Variants in THSD7A observed in about 807,000 individuals in gnomAD.
The protein encoded by THSD7A is thrombospondin type 1 domain containing 7A.
In THSD7A, 96 loss-of-function variants were observed where a neutral mutation model predicts 231.3. That is an observed-to-expected ratio of 0.41 (90% CI 0.35 to 0.49). The LOEUF (loss-of-function observed/expected upper bound fraction) is 0.49. Ranked by LOEUF, THSD7A falls within the 20% of genes least tolerant of loss-of-function variation. The probability of loss-of-function intolerance (pLI) is 0.05; values close to 1 mark genes in which losing one functional copy is unlikely to be tolerated. For missense variants in THSD7A, 2,290 were observed against 2,070.2 expected (o/e 1.11, Z -2.06); for synonymous variants, 940 against 743.3 (o/e 1.26, Z -4.30).
At position 11,616,768 on chromosome 7, in the gene THSD7A, T is replaced by A. The variant is rs79181756; in HGVS notation, c.1022+19362A>T. 3.0e-3 allele frequency among the ~76,000 whole-genome samples: 458 copies of A among 152,244 alleles called. 3 individuals are homozygous for A. Among genetic ancestry groups the A allele is most frequent in the Middle Eastern group, 0.017 (5 of 294 alleles). The stretch of plus-strand genomic sequence containing the variant: ...TCTTTTGTTGCTTTAATTGTTTTTC[T>A]TGAAAGGGCACATCCTGTAGCTTTT... On this transcript the variant is annotated intron_variant, in intron 2 of 27. Transcript: ENST00000423059.
intron 1 of THSD7A, among the ~76,000 whole-genome samples, chr7:11,703,164 G>C (rs1355640428): frequency 2.0e-5 from 3 of 151,226 alleles, no homozygotes; most frequent in Admixed American, 6.6e-5. Flanking sequence ...CAGCACGTGT[G>C]TTGTTGCACA....
intron 13 of THSD7A, among the ~76,000 whole-genome samples, chr7:11,434,719 G>A (rs1784578596): frequency 6.6e-6 from 1 of 151,882 alleles, no homozygotes. Flanking sequence ...AGAAAATGTA[G>A]CTAGACTTTT....
intron 23 of THSD7A, among the ~76,000 whole-genome samples, chr7:11,401,481 A>G (rs944413391): frequency 1.3e-5 from 2 of 152,090 alleles, no homozygotes; most frequent in South Asian, 2.1e-4. Flanking sequence ...CAGTGGTGCA[A>G]TCTCGGCTCA....
intron 1 of THSD7A, among the ~76,000 whole-genome samples, chr7:11,641,067 A>G (rs572246605): frequency 6.6e-6 from 1 of 152,160 alleles, no homozygotes; most frequent in African/African-American, 2.4e-5. Context: ...ACCATTTGAC[A>G]TATAGAAATA....
intron 1 of THSD7A, among the ~76,000 whole-genome samples, chr7:11,756,282 T>C (rs779066425): frequency 2.4e-4 from 37 of 152,092 alleles, no homozygotes; most frequent in Admixed American, 9.2e-4. Flanking sequence ...CATACAAAGA[T>C]GACCAAACAT....
intron 1 of THSD7A, among the ~76,000 whole-genome samples, chr7:11,672,356 A>T: frequency 9.0e-6 from 1 of 111,688 alleles, no homozygotes; most frequent in African/African-American, 2.9e-5. Context: ...GCTATTTAAA[A>T]TTTACTGCAT....
intron 1 of THSD7A, among the ~76,000 whole-genome samples, chr7:11,740,319 T>G (rs965035338): frequency 1.3e-5 from 2 of 151,878 alleles, no homozygotes; most frequent in African/African-American, 4.8e-5. Flanking sequence ...ACGAGGTACA[T>G]GAGAGAAATT....
intron 5 of THSD7A, among the ~76,000 whole-genome samples, chr7:11,542,715 T>C (rs1289960633): frequency 2.0e-5 from 3 of 152,198 alleles, no homozygotes; most frequent in Admixed American, 6.5e-5. Flanking sequence ...ATCCTAACCA[T>C]TGCACTAAAC....
At chr7:11,408,531 AAG>A (rs960998705) in intron 19 of THSD7A, among the ~76,000 whole-genome samples, 2 of 151,922 alleles carry the variant, frequency 1.3e-5, no homozygotes, top group African/African-American at 4.8e-5. Context: ...AAGAAAGAAA[AAG>A]AAATAGGAAA....
chr7:11,670,620 A>G (rs144832753), intron 1 of THSD7A, among the ~76,000 whole-genome samples: 1 of 152,332 alleles, frequency 6.6e-6, no homozygotes, highest in African/African-American at 2.4e-5. Context: ...TACCAAAGAC[A>G]TGATGGCTAA....
chr7:11,521,500 T>A (rs1485779085), intron 6 of THSD7A, among the ~76,000 whole-genome samples: 1 of 140,486 alleles, frequency 7.1e-6, no homozygotes, highest in East Asian at 2.0e-4. Flanking sequence ...TTATTTATTT[T>A]TTTATTATAC....
At chr7:11,491,038 T>C (rs1340352987) in intron 6 of THSD7A, among the ~76,000 whole-genome samples, 2 of 152,114 alleles carry the variant, frequency 1.3e-5, no homozygotes, top group Non-Finnish European at 2.9e-5. Flanking sequence ...CCCCACTGTG[T>C]TCCAATTCAC....
At chr7:11,554,000 AGATT>A (rs1252219823) in intron 4 of THSD7A, among the ~76,000 whole-genome samples, 1 of 152,022 alleles carries the variant, frequency 6.6e-6, no homozygotes, top group Admixed American at 6.6e-5. Flanking sequence ...AGGTAATTGT[AGATT>A]GATATGAAAT....
intron 1 of THSD7A, among the ~76,000 whole-genome samples, chr7:11,741,636 G>C (rs968390120): frequency 6.6e-6 from 1 of 151,738 alleles, no homozygotes; most frequent in African/African-American, 2.4e-5. Flanking sequence ...AGCACTCCTT[G>C]GTTGAAAGAA....
In THSD7A at chr7:11,590,418, C is replaced by A; in HGVS notation, c.1453+42G>T. The A allele has an allele frequency of 1.9e-6, 3 of 1,569,904 alleles. No homozygotes were observed. The South Asian group carries it at 3.6e-5, about 19-fold the overall frequency. ...CCTTCAGAGCAATCACATGCTCAGT[C>A]AGTCTTCATAAGTGAATCCTTGAGA... On this transcript the variant is annotated intron_variant, in intron 4 of 27. Transcript: ENST00000423059. The surrounding 1 kb of genome is among the most constrained non-coding windows in gnomAD (Gnocchi z 4.4).
chr7:11,828,162 C>T (rs937918965), intron 1 of THSD7A, among the ~76,000 whole-genome samples: 3 of 152,162 alleles, frequency 2.0e-5, no homozygotes, highest in Non-Finnish European at 4.4e-5. Context: ...GTGGCTACCA[C>T]CTACTTATAA....
intron 1 of THSD7A, among the ~76,000 whole-genome samples, chr7:11,643,166 A>G (rs1015338289): frequency 6.6e-6 from 1 of 152,070 alleles, no homozygotes; most frequent in Admixed American, 6.6e-5. Flanking sequence ...CATCCTTCAC[A>G]TGAGATAGTG....
At chr7:11,568,584 C>T (rs1180869007) in intron 4 of THSD7A, among the ~76,000 whole-genome samples, 1 of 134,030 alleles carries the variant, frequency 7.5e-6, no homozygotes, top group East Asian at 2.2e-4. Context: ...GAGATCACGC[C>T]ACTGCACTCC....
intron 2 of THSD7A, among the ~76,000 whole-genome samples, chr7:11,595,380 C>T (rs898682568): frequency 1.3e-5 from 2 of 151,988 alleles, no homozygotes; most frequent in African/African-American, 2.4e-5. Context: ...AAGATAGAGT[C>T]GGGTCAGGCT....
Sources: allele counts gnomAD v4.1 joint callset (sites outside exome capture counted in the v4.1 genomes callset), GRCh38; gene constraint gnomAD v4.1.1; non-coding constraint Gnocchi (gnomAD v3.1); transcripts MANE v1.5; gene names NCBI Gene and HGNC (gene_info 2026-07-23, HGNC 2026-07-21).